CMIP: variants seen among roughly 807,000 people sequenced by gnomAD.
CMIP encodes the protein c-Maf inducing protein.
CMIP carries 13 observed loss-of-function variants against 97.3 expected under a neutral mutation model. That is an observed-to-expected ratio of 0.13 (90% CI 0.09 to 0.21). The LOEUF (loss-of-function observed/expected upper bound fraction) is 0.21, where lower values mean the gene tolerates loss of function less well. CMIP is among the 10% of genes least tolerant of loss of function. The pLI, the probability that CMIP is intolerant of heterozygous loss-of-function variation, is 1.00. For missense variants in CMIP, 847 were observed against 1,024.9 expected, an observed-to-expected ratio of 0.83 and a Z score of 2.37; for synonymous variants, 538 against 436.3, an observed-to-expected ratio of 1.23 and a Z score of -2.91.
Position 81,708,108 on chromosome 16 carries a change from GC to G in CMIP, c.2268+1025del, listed in dbSNP as rs1391254895. Among the ~76,000 whole-genome samples, 33 of 152,362 alleles carry G rather than the reference GC, an allele frequency of 2.2e-4. 1 individual carries two copies. Among genetic ancestry groups the G allele is most frequent in the African/African-American group, 7.5e-4 (31 of 41,590 alleles). ...CCCTTCCGGGGGATAGTCCCTCCTG[GC>G]AGGCACAGGCAAGCTCAGCAAACCA... is the stretch of plus-strand genomic sequence containing the variant. On this transcript the variant is annotated intron_variant, in intron 20 of 20. Transcript: ENST00000537098.
intron 1 of CMIP, among the ~76,000 whole-genome samples, chr16:81,601,897 G>A (rs1304858832): frequency 6.6e-6 from 1 of 152,188 alleles, no homozygotes; most frequent in Non-Finnish European, 1.5e-5. Flanking sequence ...GGTGGCCCAG[G>A]ACAAAAGCCC....
chr16:81,526,044 C>T (rs902451954), intron 1 of CMIP, among the ~76,000 whole-genome samples: 14 of 150,542 alleles, frequency 9.3e-5, no homozygotes, highest in African/African-American at 2.4e-4. Context: ...TCAGTTTGTC[C>T]GTTTGCATTT....
At chr16:81,524,453 T>C (rs1031851269) in intron 1 of CMIP, among the ~76,000 whole-genome samples, 1 of 152,230 alleles carries the variant, frequency 6.6e-6, no homozygotes, top group African/African-American at 2.4e-5. Flanking sequence ...AACTAAGTCA[T>C]CTGTAACGTG....
At chr16:81,670,037 C>T in intron 7 of CMIP, 105 bp from the exon 8 acceptor site, 2 of 1,083,980 alleles carry the variant, frequency 1.8e-6, no homozygotes, top group Non-Finnish European at 2.7e-6. Flanking sequence ...ACATCAACAG[C>T]TCCAGGCAGA....
intron 1 of CMIP, among the ~76,000 whole-genome samples, chr16:81,527,902 C>G (rs991951062): frequency 2.0e-5 from 3 of 152,160 alleles, no homozygotes; most frequent in African/African-American, 4.8e-5. Flanking sequence ...TTGCGTATGC[C>G]TTTTTGGGAA....
At chr16:81,489,231 G>A (rs912402433) in intron 1 of CMIP, among the ~76,000 whole-genome samples, 2 of 152,120 alleles carry the variant, frequency 1.3e-5, no homozygotes, top group East Asian at 1.9e-4. Context: ...TGCACTCAGA[G>A]GCTGACTTGA....
chr16:81,491,649 A>G (rs1248598093), intron 1 of CMIP, among the ~76,000 whole-genome samples: 2 of 152,226 alleles, frequency 1.3e-5, no homozygotes, highest in Non-Finnish European at 2.9e-5. Flanking sequence ...ATTTTCAGAT[A>G]AATTCCTCAC....
rs747343574 is a variant in CMIP, at chr16:81,445,303, C to G, written c.62C>G (p.Pro21Arg). Residue 21 changes from proline to arginine, a missense_variant, in exon 1 of 21, where the codon CCG becomes CGG. By Grantham distance (103) the Pro-to-Arg change is moderately radical. Coordinates refer to ENST00000537098, the MANE Select transcript of CMIP (RefSeq NM_198390.3). Reference sequence around the variant, plus strand: ...CCCCGGCAGATCGAGGAGACCAAGCCGCTGCTGGGGGGCGACGTGTCGGCC... The same window carrying G: ...CCCCGGCAGATCGAGGAGACCAAGCGGCTGCTGGGGGGCGACGTGTCGGCC... ...GDPRQIEETK[P>R]LLGGDVSAPE... is the part of the protein sequence containing the mutation. 62 of 1,565,444 alleles carry G rather than the reference C, an allele frequency of 4.0e-5. No homozygotes were observed. The highest frequency in any genetic ancestry group is 1.7e-6 in the Non-Finnish European group (2 of 1,156,934).
At chr16:81,644,500 A>G (rs1369124656) in intron 3 of CMIP, among the ~76,000 whole-genome samples, 2 of 152,238 alleles carry the variant, frequency 1.3e-5, no homozygotes, top group Admixed American at 6.5e-5. Context: ...GGTAACACCC[A>G]TGGGACAGTT....
chr16:81,645,361 TAC>T (rs2092352545), intron 3 of CMIP: 2 of 1,438,262 alleles, frequency 1.4e-6, no homozygotes, highest in Non-Finnish European at 1.8e-6. Context: ...CTTGGGTGTG[TAC>T]GCGCGCGAGC....
At chr16:81,671,202 C>T (rs1374414831) in intron 8 of CMIP, among the ~76,000 whole-genome samples, 1 of 152,128 alleles carries the variant, frequency 6.6e-6, no homozygotes, top group African/African-American at 2.4e-5. Context: ...CTAAATATGC[C>T]CACTTGGAAC....
chr16:81,705,593 T>A lies in CMIP; in HGVS notation c.2186T>A (p.Leu729Gln), dbSNP rs1251099571. ...ACCCCGGTCACAGACGCTGGCCTGC[T>A]GGCCCTGAGCTGTGAGTGCCTCCGG... ...CETPVTDAGL[L>Q]ALSSMKSLCS... The change falls in exon 19 of 21, where the codon CTG becomes CAG. Residue 729 changes from leucine (L) to glutamine (Q), a missense_variant. By Grantham distance (113) the Leu-to-Gln change is moderately radical (BLOSUM62 -2). This residue lies in a region of CMIP where 266 missense variants were observed against 384.2 expected (regional missense o/e 0.69). Coordinates refer to ENST00000537098, the MANE Select transcript of CMIP (RefSeq NM_198390.3). 1.9e-6 allele frequency: 3 copies of A among 1,601,086 alleles called. No individual in the cohort carries two copies. The highest frequency in any genetic ancestry group is 2.6e-6 in the Non-Finnish European group (3 of 1,175,160).
intron 1 of CMIP, among the ~76,000 whole-genome samples, chr16:81,497,532 T>A (rs2089513267): frequency 6.6e-6 from 1 of 152,202 alleles, no homozygotes; most frequent in African/African-American, 2.4e-5. Flanking sequence ...TTCATTAGTT[T>A]GAGCCCTACG....
intron 1 of CMIP, among the ~76,000 whole-genome samples, chr16:81,532,000 CA>C (rs2090245961): frequency 6.6e-6 from 1 of 152,204 alleles, no homozygotes; most frequent in African/African-American, 2.4e-5. Context: ...TGATAGCTTC[CA>C]TTTCATGGCG....
intron 1 of CMIP, among the ~76,000 whole-genome samples, chr16:81,578,583 C>A (rs1049362577): frequency 6.6e-6 from 1 of 152,210 alleles, no homozygotes; most frequent in Non-Finnish European, 1.5e-5. Context: ...ATTTCCCCAC[C>A]CCTTCCTCTG....
intron 4 of CMIP, among the ~76,000 whole-genome samples, chr16:81,656,886 T>C (rs1262275773): frequency 6.6e-6 from 1 of 152,124 alleles, no homozygotes; most frequent in Non-Finnish European, 1.5e-5. Context: ...CCTCCCAAAG[T>C]GCTGGGATTA....
intron 3 of CMIP, among the ~76,000 whole-genome samples, chr16:81,629,479 T>G (rs1384344773): frequency 6.6e-6 from 1 of 152,202 alleles, no homozygotes; most frequent in East Asian, 1.9e-4. Context: ...CCCTTGGTCT[T>G]GAGGGAAGAC....
rs570906600 is a variant in CMIP at position 81,682,522 on chromosome 16, G to A, written c.1388+3894G>A. Among the ~76,000 whole-genome samples the A allele has an allele frequency of 1.6e-3, 246 of 151,912 alleles. 1 individual carries two copies. The highest frequency in any genetic ancestry group is 5.4e-3 in the African/African-American group (224 of 41,394). On this transcript the variant is annotated intron_variant, in intron 10 of 20. Transcript: ENST00000537098. ...GGAGGTTGCAGTGAGCTGAGATCAC[G>A]CCATTGCGTTCCATCCTGGGCAACA...
intron 1 of CMIP, among the ~76,000 whole-genome samples, chr16:81,446,936 C>G (rs1291668824): frequency 6.7e-6 from 1 of 149,424 alleles, no homozygotes; most frequent in African/African-American, 2.5e-5. Context: ...TTTTCTCTTT[C>G]CTGTGGGCAC....
Sources: gnomAD v4.1 joint callset for allele counts (sites outside exome capture counted in the v4.1 genomes callset) on GRCh38, gnomAD v4.1.1 for gene constraint, gnomAD v4.1.1 regional missense constraint, MANE v1.5 for transcripts, NCBI Gene and HGNC (gene_info 2026-07-23, HGNC 2026-07-21) for gene names.